The following SLC39A8 variants were observed in gnomAD, a reference collection of about 807,000 sequenced individuals.
SLC39A8 encodes the protein solute carrier family 39 member 8.
A neutral mutation model predicts 40.4 loss-of-function variants in SLC39A8; 15 were observed. The observed-to-expected ratio is 0.37, with a 90% CI of 0.25 to 0.57. The LOEUF is 0.57. Ranked by LOEUF, SLC39A8 falls within the 20% of genes least tolerant of loss-of-function variation. The pLI is 0.75. For missense variants in SLC39A8, 472 were observed against 558.8 expected, an observed-to-expected ratio of 0.84 and a Z score of 1.57; for synonymous variants, 223 against 221.6, an observed-to-expected ratio of 1.01 and a Z score of -0.06.
intron 3 of SLC39A8, among the ~76,000 whole-genome samples, chr4:102,308,602 G>C (rs1734292502): frequency 1.3e-5 from 2 of 152,160 alleles, no homozygotes. Context: ...GTGGCCTCAG[G>C]GCTGTGCAAC....
At chr4:102,345,188 C>G (rs1382639024) in intron 1 of SLC39A8, 157 bp downstream of exon 1, 2 of 152,894 alleles carry the variant, frequency 1.3e-5, no homozygotes, top group African/African-American at 4.8e-5. Flanking sequence ...TTATTCTCTC[C>G]GCCGCAAACT....
rs561069988 is a variant in SLC39A8, at chr4:102,287,740, A to C, written c.840+16577T>G. Among the ~76,000 whole-genome samples, 20 of 152,278 alleles carry C rather than the reference A, an allele frequency of 1.3e-4. No individual in the cohort carries two copies. The South Asian group carries it at 3.9e-3, about 30-fold the overall frequency. On this transcript the variant is annotated intron_variant, in intron 6 of 8. Transcript: ENST00000356736. ...AAAAATAAATGTATACTTAGATTTT[A>C]TTTAAAGTAGCCATTTTAATCGATG...
chr4:102,305,099 C>T lies in SLC39A8; in HGVS notation c.565G>A (p.Asp189Asn). Residue 189 changes from aspartate to asparagine, a missense_variant, in exon 5 of 9, where the codon GAT becomes AAT. This residue lies in a region of SLC39A8 where 239 missense variants were observed against 317.9 expected (regional missense o/e 0.75). Coordinates refer to ENST00000356736, the MANE Select transcript of SLC39A8 (RefSeq NM_001135146.2). ...TCAACATAACTGTCGACTTTGGGAT[C>T]AAATCCAAATGCCTAAGGGAGAAAA... ...FQLIPEAFGF[D>N]PKVDSYVEKA... 1.9e-6 allele frequency: 3 copies of T among 1,607,098 alleles called. No individual in the cohort carries two copies. The highest frequency in any genetic ancestry group is 2.2e-5 in the East Asian group (1 of 44,668).
chr4:102,331,055 C>T (rs1735434556), intron 2 of SLC39A8, among the ~76,000 whole-genome samples: 1 of 152,158 alleles, frequency 6.6e-6, no homozygotes, highest in African/African-American at 2.4e-5. Flanking sequence ...ATGACAAGCC[C>T]ACAGCCAATA....
intron 2 of SLC39A8, among the ~76,000 whole-genome samples, chr4:102,330,544 A>T (rs1404741797): frequency 6.6e-6 from 1 of 152,172 alleles, no homozygotes; most frequent in Non-Finnish European, 1.5e-5. Context: ...CCTACCAATC[A>T]AAAAAAGTCC....
chr4:102,287,604 A>G (rs971425875), intron 6 of SLC39A8, among the ~76,000 whole-genome samples: 2 of 152,108 alleles, frequency 1.3e-5, no homozygotes, highest in Non-Finnish European at 2.9e-5. Flanking sequence ...TAACTTGCAT[A>G]TGCCTCTACT....
intron 2 of SLC39A8, among the ~76,000 whole-genome samples, chr4:102,337,622 A>G (rs907608230): frequency 2.6e-5 from 4 of 152,290 alleles, no homozygotes; most frequent in East Asian, 1.9e-4. Flanking sequence ...CCCAACACCT[A>G]TGCACAAACC....
chr4:102,307,057 T>C (rs916203966), intron 4 of SLC39A8, among the ~76,000 whole-genome samples: 1 of 152,020 alleles, frequency 6.6e-6, no homozygotes, highest in African/African-American at 2.4e-5. Context: ...AATTTACATT[T>C]GACATTTGCA....
chr4:102,336,920 G>GA (rs1276449687), intron 2 of SLC39A8, among the ~76,000 whole-genome samples: 1 of 152,154 alleles, frequency 6.6e-6, no homozygotes, highest in Admixed American at 6.5e-5. Context: ...GGAAAATTCT[G>GA]AAAATTACCT....
intron 3 of SLC39A8, among the ~76,000 whole-genome samples, chr4:102,310,416 T>C (rs1433812407): frequency 6.6e-6 from 1 of 152,154 alleles, no homozygotes; most frequent in Admixed American, 6.5e-5. Flanking sequence ...CTATGTTTTA[T>C]TCATCCTCAG....
At chr4:102,325,015 G>C (rs1349129055) in intron 2 of SLC39A8, among the ~76,000 whole-genome samples, 1 of 151,922 alleles carries the variant, frequency 6.6e-6, no homozygotes, top group Non-Finnish European at 1.5e-5. Context: ...TAATGAAACT[G>C]CCTCAATTAC....
intron 2 of SLC39A8, among the ~76,000 whole-genome samples, chr4:102,330,164 T>C (rs1279787722): frequency 6.6e-6 from 1 of 151,826 alleles, no homozygotes; most frequent in Non-Finnish European, 1.5e-5. Context: ...AAGAAATAAC[T>C]AAGATCAGAG....
intron 6 of SLC39A8, among the ~76,000 whole-genome samples, chr4:102,280,123 C>G (rs1459338912): frequency 6.6e-6 from 1 of 152,164 alleles, no homozygotes; most frequent in Non-Finnish European, 1.5e-5. Context: ...TGGCTATGTC[C>G]ACAACTAAAG....
intron 3 of SLC39A8, among the ~76,000 whole-genome samples, chr4:102,308,694 CT>C (rs1301599496): frequency 6.6e-6 from 1 of 152,116 alleles, no homozygotes; most frequent in East Asian, 1.9e-4. Flanking sequence ...ATAGCCACTT[CT>C]TTAAAATATC....
intron 6 of SLC39A8, among the ~76,000 whole-genome samples, chr4:102,283,983 T>A (rs1438020159): frequency 6.6e-6 from 1 of 152,238 alleles, no homozygotes; most frequent in Admixed American, 6.5e-5. Flanking sequence ...CTTACAATTC[T>A]GATTTTAACT....
At chr4:102,278,841 G>A (rs1214516799) in intron 6 of SLC39A8, among the ~76,000 whole-genome samples, 1 of 152,158 alleles carries the variant, frequency 6.6e-6, no homozygotes, top group Admixed American at 6.5e-5. Flanking sequence ...CCTTTGCAGG[G>A]ACATGGATCA....
Position 102,320,789 on chromosome 4 carries a change from A to T in SLC39A8, c.220-4959T>A, listed in dbSNP as rs562608239. 2.9e-3 allele frequency among the ~76,000 whole-genome samples: 414 copies of T among 141,508 alleles called. 6 individuals carry two copies. Among genetic ancestry groups the T allele is most frequent in the Middle Eastern group, 7.5e-3 (2 of 266 alleles). 92.8% of individuals were successfully genotyped at this position (141,508 alleles called of 152,430 possible). A position where few individuals can be genotyped will look rare whatever the true frequency, so the allele number is the denominator to read the frequency against. ...ATATGAGAATATATATATGAGAAAAAATATATATATATATATCCTGTTGGT... is the reference window on the plus strand; with the variant it reads ...ATATGAGAATATATATATGAGAAAATATATATATATATATATCCTGTTGGT... On this transcript the variant is annotated intron_variant, in intron 2 of 8. Coordinates refer to ENST00000356736, the MANE Select transcript of SLC39A8 (RefSeq NM_001135146.2).
chr4:102,327,719 G>T (rs898050694), intron 2 of SLC39A8, among the ~76,000 whole-genome samples: 5 of 152,076 alleles, frequency 3.3e-5, no homozygotes, highest in African/African-American at 7.2e-5. Context: ...ATAAGTCCTT[G>T]GACACATAAG....
rs771304670 is a variant in SLC39A8, at chr4:102,268,092, C to A, written c.841-13G>T. 1.9e-6 allele frequency: 3 copies of A among 1,613,274 alleles called. No individual in the cohort carries two copies. Among genetic ancestry groups the A allele is most frequent in the Admixed American group, 1.7e-5 (1 of 59,976 alleles). ...CTTTTTTTCCATCCTAGCAGAAAAT[C>A]AATTAAAATGATAACCAACATTTCT... On this transcript the variant is annotated splice_polypyrimidine_tract_variant and intron_variant, in intron 6 of 8. Transcript: ENST00000356736.
Sources: allele counts gnomAD v4.1 joint callset (sites outside exome capture counted in the v4.1 genomes callset), GRCh38; gene constraint gnomAD v4.1.1; regional missense constraint gnomAD v4.1.1; transcripts MANE v1.5; gene names NCBI Gene and HGNC (gene_info 2026-07-23, HGNC 2026-07-21).